Variants in NRXN1 observed in about 807,000 individuals in gnomAD.
The protein encoded by NRXN1 is neurexin 1, also known as neurexin-1.
NRXN1 carries 39 observed loss-of-function variants against 150.9 expected under a neutral mutation model. That is an observed-to-expected ratio of 0.26 (90% CI 0.20 to 0.34). The LOEUF (loss-of-function observed/expected upper bound fraction) is 0.34, where lower values mean the gene tolerates loss of function less well. Among genes scored for constraint, NRXN1 ranks in the 10% least tolerant of loss-of-function variants. NRXN1 has a pLI of 1.00. For missense variants in NRXN1, 1,815 were observed against 1,949.9 expected, an observed-to-expected ratio of 0.93 and a Z score of 1.30; for synonymous variants, 924 against 757.0, an observed-to-expected ratio of 1.22 and a Z score of -3.62.
intron 18 of NRXN1, among the ~76,000 whole-genome samples, chr2:50,095,786 A>G (rs1700134628): frequency 6.7e-6 from 1 of 149,100 alleles, no homozygotes; most frequent in Non-Finnish European, 1.5e-5. Flanking sequence ...TTAATTTTAT[A>G]TATATATTTT....
chr2:49,995,339 G>A (rs1481221388), intron 21 of NRXN1, among the ~76,000 whole-genome samples: 2 of 152,140 alleles, frequency 1.3e-5, no homozygotes, highest in African/African-American at 4.8e-5. Context: ...ATTGTCATGT[G>A]TAATTATAGG....
chr2:50,571,237 C>A (rs1246995755), intron 8 of NRXN1, among the ~76,000 whole-genome samples: 1 of 152,100 alleles, frequency 6.6e-6, no homozygotes, highest in Non-Finnish European at 1.5e-5. Flanking sequence ...AAGAACAACC[C>A]TAATAGCTGA....
chr2:50,489,339 C>T (rs939299560), intron 15 of NRXN1, among the ~76,000 whole-genome samples: 1 of 152,156 alleles, frequency 6.6e-6, no homozygotes, highest in Non-Finnish European at 1.5e-5. Context: ...ATAGGTGGCA[C>T]TCTCGCTACC....
intron 5 of NRXN1, among the ~76,000 whole-genome samples, chr2:50,770,733 T>C (rs571973727): frequency 6.6e-6 from 1 of 152,204 alleles, no homozygotes; most frequent in Non-Finnish European, 1.5e-5. Context: ...CATGAGTCCA[T>C]TCTTCATAGA....
chr2:50,573,489 A>T (rs1670958701), intron 8 of NRXN1, among the ~76,000 whole-genome samples: 1 of 152,138 alleles, frequency 6.6e-6, no homozygotes, highest in African/African-American at 2.4e-5. Flanking sequence ...AAATTAATTT[A>T]TAAGAAATAT....
At chr2:50,996,719 T>C (rs1699347453) in intron 2 of NRXN1, among the ~76,000 whole-genome samples, 1 of 151,872 alleles carries the variant, frequency 6.6e-6, no homozygotes, top group South Asian at 2.1e-4. Flanking sequence ...CTTATTCAAA[T>C]GCAGAAAACT....
At chr2:50,656,342 T>C (rs752867615) in intron 5 of NRXN1, 8 of 774,604 alleles carry the variant, frequency 1.0e-5, no homozygotes, top group South Asian at 5.4e-5. Context: ...TTCTATACTC[T>C]AAAGAGTACC....
At chr2:50,574,191 C>T (rs899095172) in intron 8 of NRXN1, among the ~76,000 whole-genome samples, 1 of 152,190 alleles carries the variant, frequency 6.6e-6, no homozygotes, top group East Asian at 1.9e-4. Flanking sequence ...ATTAGACACC[C>T]TATGCATATA....
intron 21 of NRXN1, among the ~76,000 whole-genome samples, chr2:50,046,154 T>G (rs966053753): frequency 1.6e-4 from 25 of 151,978 alleles, no homozygotes; most frequent in Admixed American, 2.6e-4. Context: ...GTAGGGGAGG[T>G]TGCATAAAAC....
intron 18 of NRXN1, among the ~76,000 whole-genome samples, chr2:50,194,823 A>G (rs921328839): frequency 2.6e-5 from 4 of 152,166 alleles, no homozygotes; most frequent in African/African-American, 9.6e-5. Context: ...TAATTTAAAG[A>G]GATTTCTTTG....
chr2:50,800,638 C>T (rs1298351642), intron 5 of NRXN1, among the ~76,000 whole-genome samples: 1 of 152,148 alleles, frequency 6.6e-6, no homozygotes, highest in Non-Finnish European at 1.5e-5. Context: ...CAACCTCCAC[C>T]TCCCGGGTTC....
At chr2:49,992,412 C>CAAACAAAA (rs1429650858) in intron 21 of NRXN1, among the ~76,000 whole-genome samples, 1 of 150,522 alleles carries the variant, frequency 6.6e-6, no homozygotes, top group Non-Finnish European at 1.5e-5. Flanking sequence ...CAAAAACAAA[C>CAAACAAAA]AAACAAACAA....
chr2:50,486,642 T>C (rs1239175272), intron 15 of NRXN1, among the ~76,000 whole-genome samples: 1 of 152,002 alleles, frequency 6.6e-6, no homozygotes, highest in Non-Finnish European at 1.5e-5. Context: ...AGTCTGTGTA[T>C]TGTGGGTAGG....
intron 18 of NRXN1, among the ~76,000 whole-genome samples, chr2:50,159,027 T>A (rs17040034): frequency 0.18 from 26,841 of 151,952 alleles, 2,866 homozygotes; most frequent in East Asian, 0.41. Context: ...CAGTTGCCAA[T>A]GATGATCAGA....
At chr2:49,946,849 C>A (rs960899365) in intron 21 of NRXN1, among the ~76,000 whole-genome samples, 8 of 152,088 alleles carry the variant, frequency 5.3e-5, no homozygotes, top group Admixed American at 3.3e-4. Flanking sequence ...CAGCCTGGTA[C>A]CAGTACCAAA....
intron 21 of NRXN1, among the ~76,000 whole-genome samples, chr2:49,997,986 C>A (rs1239001377): frequency 1.3e-5 from 2 of 152,026 alleles, no homozygotes; most frequent in Non-Finnish European, 2.9e-5. Flanking sequence ...TTATAAAATG[C>A]TGCTGCATTG....
At chr2:50,762,232 T>C (rs897375931) in intron 5 of NRXN1, among the ~76,000 whole-genome samples, 1 of 151,836 alleles carries the variant, frequency 6.6e-6, no homozygotes, top group Non-Finnish European at 1.5e-5. Flanking sequence ...GCCTTGAACT[T>C]CTGGACTCAA....
At chr2:50,514,193 T>G (rs1237938086) in intron 12 of NRXN1, among the ~76,000 whole-genome samples, 1 of 152,164 alleles carries the variant, frequency 6.6e-6, no homozygotes, top group African/African-American at 2.4e-5. Flanking sequence ...CCTAACAAAT[T>G]GCACAGATGA....
chr2:50,969,867 G>T (rs903846371), intron 2 of NRXN1, among the ~76,000 whole-genome samples: 2 of 152,106 alleles, frequency 1.3e-5, no homozygotes, highest in African/African-American at 4.8e-5. Flanking sequence ...GGGAGCCTTC[G>T]GAATGAAGAC....
Sources: gnomAD v4.1 joint callset for allele counts (sites outside exome capture counted in the v4.1 genomes callset) on GRCh38, gnomAD v4.1.1 for gene constraint, MANE v1.5 for transcripts, NCBI Gene and HGNC (gene_info 2026-07-23, HGNC 2026-07-21) for gene names.